Variants in NTM observed in about 807,000 individuals in gnomAD.
NTM encodes neurotrimin, also known as IgLON family member 2.
A neutral mutation model predicts 42.1 loss-of-function variants in NTM; 13 were observed. That is an observed-to-expected ratio of 0.31 (90% CI 0.20 to 0.49). The LOEUF (loss-of-function observed/expected upper bound fraction) is 0.49, where lower values mean the gene tolerates loss of function less well. Among genes scored for constraint, NTM ranks in the 20% least tolerant of loss-of-function variants. NTM has a pLI of 0.99. For missense variants in NTM, 373 were observed against 452.8 expected, an observed-to-expected ratio of 0.82 and a Z score of 1.60; for synonymous variants, 187 against 179.2, an observed-to-expected ratio of 1.04 and a Z score of -0.35.
At chr11:132,307,925 G>C in intron 5 of NTM, 102 bp downstream of exon 5, 1 of 1,162,096 alleles carries the variant, frequency 8.6e-7, no homozygotes, top group Non-Finnish European at 1.2e-6. Context: ...CTGACTTAGG[G>C]TGGGAAGAAT....
At chr11:132,289,000 T>TTTGG (rs1318567749) in intron 4 of NTM, among the ~76,000 whole-genome samples, 5 of 152,222 alleles carry the variant, frequency 3.3e-5, no homozygotes, top group South Asian at 2.1e-4. Context: ...ATCCAATTAG[T>TTTGG]ACCTAAAACT....
chr11:131,671,480 T>C lies in NTM; in HGVS notation c.83-240084T>C, dbSNP rs1007513397. ...TGGGCTTGCAGAGAATGTGGTTGAA[T>C]CAGTGTTAGCCCTGGGCTGGCAGGG... On this transcript the variant is annotated intron_variant, in intron 1 of 8. Coordinates refer to ENST00000683400, the MANE Select transcript of NTM (RefSeq NM_001352005.2). 20 of 985,318 alleles carry C rather than the reference T, an allele frequency of 2.0e-5. No individual in the cohort carries two copies. In the African/African-American group the frequency reaches 3.1e-4, roughly 15 times the overall value. 61.0% of individuals were successfully genotyped at this position (985,318 alleles called of 1,614,324 possible).
intron 4 of NTM, among the ~76,000 whole-genome samples, chr11:132,306,046 G>A (rs571972980): frequency 6.6e-6 from 1 of 152,342 alleles, no homozygotes; most frequent in South Asian, 2.1e-4. Flanking sequence ...GCATGAAGAT[G>A]TATGAGATGA....
At chr11:131,675,751 C>T (rs2134709673) in intron 1 of NTM, among the ~76,000 whole-genome samples, 1 of 152,264 alleles carries the variant, frequency 6.6e-6, no homozygotes, top group South Asian at 2.1e-4. Context: ...CTTAGAAGAC[C>T]CTCTGCCAGC....
In NTM at chr11:131,584,034, T is replaced by C. The variant is rs139578686; in HGVS notation, c.82+213146T>C. 3.9e-5 allele frequency among the ~76,000 whole-genome samples: 6 copies of C among 152,314 alleles called. No homozygotes were observed. The East Asian group carries it at 1.2e-3, about 29-fold the overall frequency. On this transcript the variant is annotated intron_variant, in intron 1 of 8. Coordinates refer to ENST00000683400, the MANE Select transcript of NTM (RefSeq NM_001352005.2). ...CATTTTAGCTACAAGTGATGTTTTA[T>C]GAATGCTGAACAGTAGAAAAAAGAG...
chr11:131,529,642 G>A (rs945623578), intron 1 of NTM, among the ~76,000 whole-genome samples: 1 of 152,074 alleles, frequency 6.6e-6, no homozygotes, highest in African/African-American at 2.4e-5. Flanking sequence ...TGCATGTGTT[G>A]GTTTCATGGC....
intron 2 of NTM, among the ~76,000 whole-genome samples, chr11:132,004,737 A>T (rs2070376287): frequency 6.6e-6 from 1 of 152,040 alleles, no homozygotes; most frequent in Admixed American, 6.6e-5. Context: ...GATCACAATC[A>T]TTCAGAGCTT....
intron 2 of NTM, among the ~76,000 whole-genome samples, chr11:132,109,323 G>A (rs548227376): frequency 6.6e-6 from 1 of 152,212 alleles, no homozygotes; most frequent in African/African-American, 2.4e-5. Flanking sequence ...CACCAACAGT[G>A]TAAAAGCATT....
chr11:131,877,531 C>G (rs900647171), intron 1 of NTM: 1 of 152,196 alleles, frequency 6.6e-6, no homozygotes, highest in Admixed American at 6.5e-5. Flanking sequence ...TTTTGTATCT[C>G]CCCCACCCCT....
At chr11:131,610,894 T>A in intron 1 of NTM, among the ~76,000 whole-genome samples, 1 of 152,174 alleles carries the variant, frequency 6.6e-6, no homozygotes, top group Non-Finnish European at 1.5e-5. Context: ...TGAAAGGATT[T>A]TAGAGCAGAA....
intron 1 of NTM, among the ~76,000 whole-genome samples, chr11:131,434,250 G>A (rs567034440): frequency 8.7e-4 from 133 of 152,320 alleles, no homozygotes; most frequent in African/African-American, 2.9e-3. Context: ...GTAAACATAC[G>A]TGTGCATGTG....
rs547895674 is a variant in NTM, at chr11:131,776,335, T to G, written c.83-135229T>G. On this transcript the variant is annotated intron_variant, in intron 1 of 8. Coordinates refer to ENST00000683400, the MANE Select transcript of NTM (RefSeq NM_001352005.2). ...CAAACCAGCTAATTTTATCTTGAAC[T>G]CATCTTTCTTGCAATACCTTGCCAA... 2.6e-5 allele frequency among the ~76,000 whole-genome samples: 4 copies of G among 152,324 alleles called. No individual in the cohort carries two copies. The South Asian group carries it at 8.3e-4, about 32-fold the overall frequency.
chr11:131,642,811 C>T (rs1012493693), intron 1 of NTM, among the ~76,000 whole-genome samples: 1 of 152,056 alleles, frequency 6.6e-6, no homozygotes, highest in Admixed American at 6.6e-5. Flanking sequence ...ATTGCTTTTT[C>T]TCATCTATCC....
At chr11:131,698,851 C>T (rs2075769015) in intron 1 of NTM, among the ~76,000 whole-genome samples, 1 of 152,190 alleles carries the variant, frequency 6.6e-6, no homozygotes, top group South Asian at 2.1e-4. Flanking sequence ...GCCTATGTGT[C>T]CTTTCCATAA....
At chr11:131,502,422 G>A (rs764181007) in intron 1 of NTM, among the ~76,000 whole-genome samples, 1 of 152,140 alleles carries the variant, frequency 6.6e-6, no homozygotes, top group South Asian at 2.1e-4. Flanking sequence ...ATGGCATTTG[G>A]TTAGAGCAGC....
rs544137335 is a variant in NTM, at chr11:131,505,732, C to T, written c.82+134844C>T. Among the ~76,000 whole-genome samples, 32 of 152,262 alleles carry T rather than the reference C, an allele frequency of 2.1e-4. No individual in the cohort carries two copies. The South Asian group carries it at 6.4e-3, about 31-fold the overall frequency. On this transcript the variant is annotated intron_variant, in intron 1 of 8. Coordinates refer to ENST00000683400, the MANE Select transcript of NTM (RefSeq NM_001352005.2). ...GGACACGGTGGCCACTCAGCAGGTT[C>T]GGAGCCCATGATCCGAAATGCCCAG... is the stretch of plus-strand genomic sequence containing the variant.
At chr11:132,031,569 T>C (rs1218051900) in intron 2 of NTM, among the ~76,000 whole-genome samples, 4 of 152,074 alleles carry the variant, frequency 2.6e-5, no homozygotes, top group African/African-American at 9.7e-5. Flanking sequence ...TTCAAGGTTT[T>C]TGGGTGGAAT....
intron 3 of NTM, among the ~76,000 whole-genome samples, chr11:132,147,936 G>C (rs544357548): frequency 1.3e-5 from 2 of 152,158 alleles, no homozygotes; most frequent in Admixed American, 6.5e-5. Context: ...AACTTGGGTC[G>C]TGATCAGCAC....
intron 1 of NTM, among the ~76,000 whole-genome samples, chr11:131,516,674 C>T (rs1032703742): frequency 1.3e-5 from 2 of 152,188 alleles, no homozygotes; most frequent in African/African-American, 4.8e-5. Context: ...AATTGGCCCC[C>T]TGACCCTTTA....
Sources: gnomAD v4.1 joint callset for allele counts (sites outside exome capture counted in the v4.1 genomes callset) on GRCh38, gnomAD v4.1.1 for gene constraint, MANE v1.5 for transcripts, NCBI Gene and HGNC (gene_info 2026-07-23, HGNC 2026-07-21) for gene names.